The following BMPR2 variants were observed in gnomAD, a reference collection of about 807,000 sequenced individuals.
BMPR2 encodes the protein bone morphogenetic protein receptor type-2.
In BMPR2, 29 loss-of-function variants were observed where a neutral mutation model predicts 100.8. The ratio of observed to expected loss-of-function variants is 0.29; its 90% confidence interval spans 0.21 to 0.39. The LOEUF (loss-of-function observed/expected upper bound fraction) is 0.39. Ranked by LOEUF, BMPR2 falls within the 10% of genes least tolerant of loss-of-function variation. The pLI is 1.00. For missense variants in BMPR2, 1,011 were observed against 1,274.5 expected (o/e 0.79, Z 3.15); for synonymous variants, 382 against 442.3 (o/e 0.86, Z 1.71).
chr2:202,481,932 A>G (rs1692668379), intron 3 of BMPR2, among the ~76,000 whole-genome samples: 1 of 152,110 alleles, frequency 6.6e-6, no homozygotes, highest in Non-Finnish European at 1.5e-5. Flanking sequence ...AATCTCCAGA[A>G]CTCTTCACCT....
rs750470872 is a variant in BMPR2 at position 202,456,063 on chromosome 2, C to CAAA, written c.77-8709_77-8707dup. On this transcript the variant is annotated intron_variant, in intron 1 of 12. Transcript: ENST00000374580. The stretch of plus-strand genomic sequence containing the variant: ...CTGGGCAACAGGGTGAGACCCGTCT[C>CAAA]AAAAAAAAAAAAAAAAAAAAAAAAA... Among the ~76,000 whole-genome samples the CAAA allele has an allele frequency of 2.2e-4, 8 of 36,762 alleles. 2 individuals are homozygous for CAAA. The highest frequency in any genetic ancestry group is 6.9e-4 in the Admixed American group (2 of 2,902). 24.1% of individuals were successfully genotyped at this position (36,762 alleles called of 152,430 possible). A position where few individuals can be genotyped will look rare whatever the true frequency, so the allele number is the denominator to read the frequency against.
intron 1 of BMPR2, among the ~76,000 whole-genome samples, chr2:202,395,114 T>C (rs1690633950): frequency 6.6e-6 from 1 of 151,866 alleles, no homozygotes; most frequent in African/African-American, 2.4e-5. Flanking sequence ...GAACTCCTGA[T>C]CTCGTGGTTC....
In BMPR2 at chr2:202,380,468, C is replaced by T. The variant is rs530485459; in HGVS notation, c.76+2918C>T. 9.1e-4 allele frequency among the ~76,000 whole-genome samples: 139 copies of T among 152,130 alleles called. 1 individual carries two copies. Among genetic ancestry groups the T allele is most frequent in the African/African-American group, 3.2e-3 (131 of 41,494 alleles). ...TTTTCTCAAAGTGTGGGTACTGCAA[C>T]AGAATTACCTGGGGTTCTTGATAAA... On this transcript the variant is annotated intron_variant, in intron 1 of 12. Coordinates refer to ENST00000374580, the MANE Select transcript of BMPR2 (RefSeq NM_001204.7).
In BMPR2 at chr2:202,410,258, T is replaced by C. The variant is rs545252228; in HGVS notation, c.76+32708T>C. ...CCTCGGCTTCCCAAGATGCTGGGAT[T>C]ACAGGTGTGAGTCACCATGCCCGGC... On this transcript the variant is annotated intron_variant, in intron 1 of 12. Transcript: ENST00000374580. Among the ~76,000 whole-genome samples the C allele has an allele frequency of 9.1e-4, 139 of 152,098 alleles. 1 individual carries two copies. Among genetic ancestry groups the C allele is most frequent in the African/African-American group, 3.2e-3 (131 of 41,464 alleles).
chr2:202,421,123 C>T (rs926986101), intron 1 of BMPR2, among the ~76,000 whole-genome samples: 6 of 151,686 alleles, frequency 4.0e-5, no homozygotes, highest in African/African-American at 1.2e-4. Flanking sequence ...TGGTGGCACA[C>T]GACTATAATC....
rs1202745785 is a variant in BMPR2 at position 202,397,494 on chromosome 2, GT to G, written c.76+19953del. Among the ~76,000 whole-genome samples the G allele has an allele frequency of 3.5e-5, 5 of 143,782 alleles. No homozygotes were observed. The South Asian group carries it at 6.7e-4, about 19-fold the overall frequency. 94.3% of individuals were successfully genotyped at this position (143,782 alleles called of 152,430 possible). ...GAAAAGTAAATGTAGGTAAGTGTAG[GT>G]TTTTTTTTGTTTTTTTTTTTTGAGT... On this transcript the variant is annotated intron_variant, in intron 1 of 12. Transcript: ENST00000374580.
chr2:202,393,882 C>CTA (rs1553494887), intron 1 of BMPR2, among the ~76,000 whole-genome samples: 1 of 97,870 alleles, frequency 1.0e-5, no homozygotes, highest in Non-Finnish European at 2.1e-5. Context: ...AATGAGAGAG[C>CTA]GAGAGAGAGA....
rs941947743 is a variant in BMPR2, at chr2:202,503,713, C to T, written c.419-10006C>T. On this transcript the variant is annotated intron_variant, in intron 3 of 12. Transcript: ENST00000374580. This position sits in a 1 kb window ranked among gnomAD's most constrained non-coding sequence, Gnocchi z 4.0. ...CTGATGAGTGCCGCCCCCTGCTCCA[C>T]GGCGCCCAGTCCCATCAACCACCCA... 7.2e-5 allele frequency among the ~76,000 whole-genome samples: 11 copies of T among 152,188 alleles called. No homozygotes were observed. The highest frequency in any genetic ancestry group is 2.0e-4 in the Admixed American group (3 of 15,278).
chr2:202,462,229 A>ATTT (rs550364869), intron 1 of BMPR2, among the ~76,000 whole-genome samples: 3 of 135,200 alleles, frequency 2.2e-5, no homozygotes, highest in East Asian at 2.2e-4. Flanking sequence ...AGGAACCACT[A>ATTT]TTTTTTTTTT....
At chr2:202,487,573 A>G (rs1256353186) in intron 3 of BMPR2, among the ~76,000 whole-genome samples, 2 of 152,332 alleles carry the variant, frequency 1.3e-5, no homozygotes, top group African/African-American at 2.4e-5. Flanking sequence ...ACACTGCTAT[A>G]AAGTCAAGTG....
intron 1 of BMPR2, among the ~76,000 whole-genome samples, chr2:202,431,937 C>T (rs1691512558): frequency 6.6e-6 from 1 of 150,484 alleles, no homozygotes; most frequent in South Asian, 2.1e-4. Flanking sequence ...TTTTCTTCAT[C>T]TTTAAAGTGA....
chr2:202,534,815 C>T (rs554751854), intron 9 of BMPR2, among the ~76,000 whole-genome samples: 288 of 151,588 alleles, frequency 1.9e-3, no homozygotes, highest in African/African-American at 6.5e-3. Flanking sequence ...CAGAGAGGCT[C>T]CTCACCTCCC....
chr2:202,510,200 C>T (rs566294040), intron 3 of BMPR2, among the ~76,000 whole-genome samples: 6 of 152,252 alleles, frequency 3.9e-5, no homozygotes, highest in East Asian at 3.9e-4. Flanking sequence ...GGGCAGATCA[C>T]GAGGTCAGGA....
intron 2 of BMPR2, among the ~76,000 whole-genome samples, chr2:202,465,627 G>C (rs1304727400): frequency 3.3e-5 from 5 of 152,082 alleles, no homozygotes; most frequent in Non-Finnish European, 1.5e-5. Flanking sequence ...GGGAGGCCGA[G>C]GCGGGTGGAT....
intron 1 of BMPR2, among the ~76,000 whole-genome samples, chr2:202,432,573 A>G (rs1457267050): frequency 6.6e-6 from 1 of 150,704 alleles, no homozygotes; most frequent in Non-Finnish European, 1.5e-5. Context: ...ACTAAGGTTA[A>G]AAAAACCGTA....
chr2:202,533,523 G>T (rs1688066643), intron 9 of BMPR2, among the ~76,000 whole-genome samples: 1 of 149,648 alleles, frequency 6.7e-6, no homozygotes, highest in South Asian at 2.1e-4. Flanking sequence ...GCAAAACTCT[G>T]TCTCAAAAAA....
intron 1 of BMPR2, among the ~76,000 whole-genome samples, chr2:202,434,923 ATATATATATATATT>A (rs1375769083): frequency 1.8e-4 from 21 of 117,954 alleles, no homozygotes; most frequent in Admixed American, 2.8e-4. Context: ...ATATATATAT[ATATATATATATATT>A]TATTTATTTA....
chr2:202,406,442 G>A (rs1215620260), intron 1 of BMPR2, among the ~76,000 whole-genome samples: 3 of 152,284 alleles, frequency 2.0e-5, no homozygotes, highest in African/African-American at 4.8e-5. Context: ...AAGGAAATTG[G>A]TTATATGCTG....
intron 3 of BMPR2, among the ~76,000 whole-genome samples, chr2:202,507,145 C>T (rs897248143): frequency 1.3e-5 from 2 of 151,638 alleles, no homozygotes; most frequent in African/African-American, 4.9e-5. Context: ...ACAGTGGTGT[C>T]CTCCTCCACT....
Sources: allele counts gnomAD v4.1 joint callset (sites outside exome capture counted in the v4.1 genomes callset), GRCh38; gene constraint gnomAD v4.1.1; non-coding constraint Gnocchi (gnomAD v3.1); transcripts MANE v1.5; gene names NCBI Gene and HGNC (gene_info 2026-07-23, HGNC 2026-07-21).